Variants in PARD3B observed in about 807,000 individuals in gnomAD.
PARD3B encodes par-3 family cell polarity regulator beta.
In PARD3B, 103 loss-of-function variants were observed where a neutral mutation model predicts 130.2. The ratio of observed to expected loss-of-function variants is 0.79; its 90% CI spans 0.67 to 0.93. The LOEUF (loss-of-function observed/expected upper bound fraction) is 0.93. Ranked by LOEUF, PARD3B falls within the 40% of genes least tolerant of loss-of-function variation. PARD3B has a pLI of 0.00. For synonymous variants in PARD3B, 583 were observed against 553.2 expected (o/e 1.05, Z -0.76); for missense variants, 1,609 against 1,499.2 (o/e 1.07, Z -1.21).
chr2:205,478,638 G>T (rs1430668818), intron 20 of PARD3B, among the ~76,000 whole-genome samples: 3 of 152,178 alleles, frequency 2.0e-5, no homozygotes, highest in African/African-American at 7.2e-5. Context: ...GCTAGAAAGC[G>T]ATATGCTTAT....
At chr2:204,883,434 AATAT>A (rs1282841007) in intron 2 of PARD3B, among the ~76,000 whole-genome samples, 18 of 104,466 alleles carry the variant, frequency 1.7e-4, no homozygotes, top group African/African-American at 4.6e-4. Context: ...ATATATATAA[AATAT>A]ATATATATAT....
intron 3 of PARD3B, among the ~76,000 whole-genome samples, chr2:205,002,511 T>C (rs2070575875): frequency 1.3e-5 from 2 of 152,174 alleles, no homozygotes; most frequent in Admixed American, 1.3e-4. Flanking sequence ...CCTTGTCTCC[T>C]CTCTGCTGTC....
Position 204,995,552 on chromosome 2 carries a change from A to T in PARD3B, c.394+30229A>T, listed in dbSNP as rs1222765019. On this transcript the variant is annotated intron_variant, in intron 3 of 22. Coordinates refer to ENST00000406610, the MANE Select transcript of PARD3B (RefSeq NM_001302769.2). ...TTCAACTTTGGTGAATCTGACAATT[A>T]TGTGTCTTGGAGTTGCTCTTCTCGA... Among the ~76,000 whole-genome samples the T allele has an allele frequency of 4.6e-5, 6 of 130,334 alleles. No homozygotes were observed. In the East Asian group the frequency reaches 1.3e-3, roughly 29 times the overall value. 85.5% of individuals were successfully genotyped at this position (130,334 alleles called of 152,430 possible).
chr2:205,569,128 G>A (rs1361045086), intron 22 of PARD3B, among the ~76,000 whole-genome samples: 2 of 151,538 alleles, frequency 1.3e-5, no homozygotes, highest in Non-Finnish European at 2.9e-5. Context: ...TTTGTAATTC[G>A]TTTACTCTCA....
At chr2:204,857,998 C>G (rs1426383185) in intron 2 of PARD3B, among the ~76,000 whole-genome samples, 1 of 152,084 alleles carries the variant, frequency 6.6e-6, no homozygotes, top group East Asian at 1.9e-4. Context: ...ATTTGTCTTT[C>G]AAACGGTACT....
chr2:205,051,154 C>T (rs978170149), intron 4 of PARD3B, among the ~76,000 whole-genome samples: 4 of 152,106 alleles, frequency 2.6e-5, no homozygotes, highest in Admixed American at 1.3e-4. Context: ...ACTGGAGCTA[C>T]GGACACTGAG....
At chr2:205,204,901 C>A (rs772487170) in intron 15 of PARD3B, among the ~76,000 whole-genome samples, 5 of 152,112 alleles carry the variant, frequency 3.3e-5, no homozygotes, top group Non-Finnish European at 5.9e-5. Flanking sequence ...CAGCTTTGTT[C>A]TTTTTGCTTA....
rs1184977160 is a variant in PARD3B at position 204,689,483 on chromosome 2, C to T, written c.222+3201C>T. 6.6e-6 allele frequency among the ~76,000 whole-genome samples: 1 copy of T among 152,086 alleles called. No individual in the cohort carries two copies. On this transcript the variant is annotated intron_variant, in intron 2 of 22. Coordinates refer to ENST00000406610, the MANE Select transcript of PARD3B (RefSeq NM_001302769.2). This position sits in a 1 kb window ranked among gnomAD's most constrained non-coding sequence, Gnocchi z 5.2. Reference sequence around the variant, plus strand: ...TGTGACAGTTATTCTCAAGATTCTTCAGTTTGTCTATCAGTCTGATGATTC... The same window carrying T: ...TGTGACAGTTATTCTCAAGATTCTTTAGTTTGTCTATCAGTCTGATGATTC...
Position 205,281,516 on chromosome 2 carries a change from C to A in PARD3B, c.2186-19014C>A, listed in dbSNP as rs2041188607. On this transcript the variant is annotated intron_variant, in intron 16 of 22. Transcript: ENST00000406610. The surrounding 1 kb of genome is among the most constrained non-coding windows in gnomAD (Gnocchi z 4.2). ...GATGCAGTATTTCTGTCCCAAAGTC[C>A]CAGGCACACCCTTAATCTCTGCAAT... 6.6e-6 allele frequency among the ~76,000 whole-genome samples: 1 copy of A among 152,140 alleles called. No homozygotes were observed. The highest frequency in any genetic ancestry group is 1.5e-5 in the Non-Finnish European group (1 of 68,028).
intron 2 of PARD3B, among the ~76,000 whole-genome samples, chr2:204,822,562 A>T (rs1332070848): frequency 6.6e-6 from 1 of 152,238 alleles, no homozygotes; most frequent in African/African-American, 2.4e-5. Flanking sequence ...TTTGTATAAT[A>T]AACATCTTTC....
At chr2:204,973,460 G>C (rs1575453349) in intron 3 of PARD3B, among the ~76,000 whole-genome samples, 1 of 151,538 alleles carries the variant, frequency 6.6e-6, no homozygotes, top group East Asian at 1.9e-4. Flanking sequence ...ATATGGTAAA[G>C]CCCTTTTTGT....
chr2:204,710,900 C>G (rs185757385), intron 2 of PARD3B, among the ~76,000 whole-genome samples: 26 of 152,276 alleles, frequency 1.7e-4, no homozygotes, highest in African/African-American at 6.3e-4. Flanking sequence ...AACTGCTGGT[C>G]TAAAAATTCT....
At chr2:205,156,197 G>A (rs866956534) in intron 10 of PARD3B, among the ~76,000 whole-genome samples, 42 of 145,462 alleles carry the variant, frequency 2.9e-4, no homozygotes, top group Middle Eastern at 6.9e-3. Flanking sequence ...TCACTCATAG[G>A]TGGGAATTGA....
At chr2:204,870,226 G>C (rs1473409627) in intron 2 of PARD3B, among the ~76,000 whole-genome samples, 1 of 152,174 alleles carries the variant, frequency 6.6e-6, no homozygotes, top group Non-Finnish European at 1.5e-5. Context: ...ACTTAAGTAT[G>C]CTGTCAGGCT....
intron 18 of PARD3B, among the ~76,000 whole-genome samples, chr2:205,380,510 TAA>T (rs1488922886): frequency 4.3e-5 from 2 of 46,448 alleles, no homozygotes; most frequent in African/African-American, 1.2e-4. Context: ...ATATTATATA[TAA>T]TATATAAAGA....
chr2:205,064,733 C>T (rs1054915494), intron 4 of PARD3B, among the ~76,000 whole-genome samples: 1 of 152,114 alleles, frequency 6.6e-6, no homozygotes, highest in Non-Finnish European at 1.5e-5. Flanking sequence ...GTCAAGGGAG[C>T]TTCAAGGAAA....
intron 1 of PARD3B, among the ~76,000 whole-genome samples, chr2:204,656,238 A>G (rs1303153492): frequency 6.6e-6 from 1 of 152,190 alleles, no homozygotes. Context: ...ATGGTGGGAA[A>G]TAACTTGGAC....
chr2:205,551,520 C>T (rs1304294836), intron 21 of PARD3B, among the ~76,000 whole-genome samples: 2 of 152,128 alleles, frequency 1.3e-5, no homozygotes, highest in Non-Finnish European at 2.9e-5. Context: ...TAGTAGCTCA[C>T]TGGACTCTTG....
chr2:205,024,138 G>A (rs1696837490), intron 3 of PARD3B, among the ~76,000 whole-genome samples: 2 of 149,136 alleles, frequency 1.3e-5, no homozygotes, highest in African/African-American at 4.9e-5. Flanking sequence ...GATCATGTAT[G>A]CCTCACCATC....
Sources: allele counts gnomAD v4.1 joint callset (sites outside exome capture counted in the v4.1 genomes callset), GRCh38; gene constraint gnomAD v4.1.1; non-coding constraint Gnocchi (gnomAD v3.1); transcripts MANE v1.5; gene names NCBI Gene and HGNC (gene_info 2026-07-23, HGNC 2026-07-21).